Variants in DHRSX observed in about 807,000 individuals in gnomAD.
DHRSX encodes the protein polyprenol dehydrogenase.
A neutral mutation model predicts 34.0 loss-of-function variants in DHRSX; 31 were observed. The observed-to-expected ratio is 0.91, with a 90% CI of 0.69 to 1.23. DHRSX has a LOEUF of 1.23. Ranked by LOEUF, DHRSX falls within the 50% of genes most tolerant of loss-of-function variation. DHRSX has a pLI of 0.00. For missense variants in DHRSX, 414 were observed against 428.1 expected, an observed-to-expected ratio of 0.97 and a Z score of 0.29; for synonymous variants, 201 against 183.8, an observed-to-expected ratio of 1.09 and a Z score of -0.76.
In DHRSX at chrX:2,221,122, G is replaced by A. The variant is rs761361037; in HGVS notation, c.912C>T (p.His304=). The change falls in exon 7 of 7, where the codon CAC becomes CAT. Residue 304 remains histidine (H), a synonymous_variant. Transcript: ENST00000334651. ...LYNEKETKSL[H]VTYNQKLQQQ... is the part of the protein sequence containing the mutation. The stretch of plus-strand genomic sequence containing the variant: ...GCTGCAGTTTCTGGTTGTAGGTGAC[G>A]TGGAGGGACTTGGTCTCTTTCTCGT... 40 of 1,613,790 alleles carry A rather than the reference G, an allele frequency of 2.5e-5. No homozygotes were observed. In the East Asian group the frequency reaches 3.6e-4, roughly 14 times the overall value.
At chrX:2,338,773 C>T (rs1247261646) in intron 3 of DHRSX, among the ~76,000 whole-genome samples, 1 of 151,978 alleles carries the variant, frequency 6.6e-6, no homozygotes, top group Non-Finnish European at 1.5e-5. Context: ...AATCATAACC[C>T]AAATAAACCT....
chrX:2,390,190 C>T (rs1373149962), intron 3 of DHRSX, among the ~76,000 whole-genome samples: 3 of 139,986 alleles, frequency 2.1e-5, no homozygotes, highest in African/African-American at 8.3e-5. Context: ...GTTGCCCATC[C>T]TGGAGTGTAA....
At chrX:2,302,729 T>C (rs2042028417) in intron 3 of DHRSX, among the ~76,000 whole-genome samples, 1 of 152,132 alleles carries the variant, frequency 6.6e-6, no homozygotes, top group Non-Finnish European at 1.5e-5. Context: ...TGGTGAGACA[T>C]GTTCAGAAAT....
intron 6 of DHRSX, among the ~76,000 whole-genome samples, chrX:2,224,586 AT>A (rs896783775): frequency 1.3e-4 from 20 of 151,874 alleles, no homozygotes; most frequent in African/African-American, 3.6e-4. Context: ...CTATTGGATG[AT>A]TTTTTTTCTG....
chrX:2,408,105 CT>C (rs1265795339), intron 3 of DHRSX, among the ~76,000 whole-genome samples: 1 of 148,790 alleles, frequency 6.7e-6, no homozygotes, highest in Admixed American at 6.8e-5. Flanking sequence ...TTTGATTTAT[CT>C]TTTTTTCTTT....
intron 4 of DHRSX, 86 bp from the exon 5 acceptor site, chrX:2,267,033 G>C (rs1330171998): frequency 7.2e-7 from 1 of 1,387,444 alleles, no homozygotes; most frequent in Non-Finnish European, 1.0e-6. Context: ...TGCGCAAATG[G>C]CCCAGGACAT....
intron 4 of DHRSX, among the ~76,000 whole-genome samples, chrX:2,276,932 G>A (rs374667885): frequency 5.0e-5 from 1 of 20,058 alleles, no homozygotes; most frequent in East Asian, 4.0e-4. Context: ...GGGAGAGAGA[G>A]GGAGGGCAAA....
At chrX:2,473,083 C>A (rs1281760893) in intron 1 of DHRSX, among the ~76,000 whole-genome samples, 2 of 152,150 alleles carry the variant, frequency 1.3e-5, no homozygotes, top group African/African-American at 2.4e-5. Flanking sequence ...TTGTTCACAG[C>A]CGTGATTAAG....
chrX:2,451,565 C>G (rs1205220300), intron 1 of DHRSX, among the ~76,000 whole-genome samples: 1 of 151,840 alleles, frequency 6.6e-6, no homozygotes, highest in Non-Finnish European at 1.5e-5. Context: ...GTGGACGGGG[C>G]AGGGGAAGGA....
chrX:2,482,150 C>A, intron 1 of DHRSX, among the ~76,000 whole-genome samples: 1 of 141,026 alleles, frequency 7.1e-6, no homozygotes, highest in Non-Finnish European at 1.5e-5. Context: ...TTTTTAGAGA[C>A]AGCATCTCTC....
Position 2,295,426 on chromosome X carries a change from G to C in DHRSX, c.287-3823C>G, listed in dbSNP as rs768797068. 2.0e-5 allele frequency among the ~76,000 whole-genome samples: 3 copies of C among 152,240 alleles called. No homozygotes were observed. The East Asian group carries it at 5.8e-4, about 29-fold the overall frequency. ...AACATCACACACCAGGGCTTGCTGGGGGGTGGAGGGTTAGGGAAGGGATAG... is the reference window on the plus strand; with the variant it reads ...AACATCACACACCAGGGCTTGCTGGCGGGTGGAGGGTTAGGGAAGGGATAG... On this transcript the variant is annotated intron_variant, in intron 3 of 6. Transcript: ENST00000334651.
intron 3 of DHRSX, among the ~76,000 whole-genome samples, chrX:2,316,563 CAAT>C (rs1362344815): frequency 7.2e-5 from 11 of 151,856 alleles, no homozygotes; most frequent in Admixed American, 5.3e-4. Context: ...AAAACAACAA[CAAT>C]AATAACAACA....
chrX:2,320,428 G>A (rs764091367), intron 3 of DHRSX, among the ~76,000 whole-genome samples: 3 of 143,624 alleles, frequency 2.1e-5, no homozygotes, highest in East Asian at 4.2e-4. Flanking sequence ...CTGAGTAGCT[G>A]GGATTACAGA....
At chrX:2,463,033 C>T (rs1444036181) in intron 1 of DHRSX, among the ~76,000 whole-genome samples, 1 of 152,092 alleles carries the variant, frequency 6.6e-6, no homozygotes, top group African/African-American at 2.4e-5. Context: ...CTCGCCCTTT[C>T]CACCATGTGA....
chrX:2,474,026 C>T (rs939863271), intron 1 of DHRSX, among the ~76,000 whole-genome samples: 11 of 151,920 alleles, frequency 7.2e-5, no homozygotes, highest in Non-Finnish European at 1.6e-4. Context: ...AGCAGGCTGG[C>T]TGCGTCTCTC....
chrX:2,429,508 T>G (rs765102563), intron 1 of DHRSX, among the ~76,000 whole-genome samples: 1 of 151,666 alleles, frequency 6.6e-6, no homozygotes, highest in Non-Finnish European at 1.5e-5. Flanking sequence ...AGTGCAGTGG[T>G]GCAATCATGG....
Position 2,397,336 on chromosome X carries a change from G to A in DHRSX, c.286+11409C>T, listed in dbSNP as rs768713994. Among the ~76,000 whole-genome samples the A allele has an allele frequency of 4.6e-5, 7 of 152,130 alleles. No individual in the cohort carries two copies. The South Asian group carries it at 1.5e-3, about 32-fold the overall frequency. On this transcript the variant is annotated intron_variant, in intron 3 of 6. Transcript: ENST00000334651. ...TTTTGTAGAGACGGAGTCTCTCTAC[G>A]CCACCCTGACTGCTGTCGAACTCCT...
intron 1 of DHRSX, among the ~76,000 whole-genome samples, chrX:2,479,202 TCCCA>T (rs1212184377): frequency 2.3e-5 from 3 of 132,086 alleles, no homozygotes; most frequent in African/African-American, 8.8e-5. Flanking sequence ...CCCAAGGGAC[TCCCA>T]CCCTGTGCAC....
rs148541312 is a variant in DHRSX, at chrX:2,461,123, T to C, written c.110-35819A>G. 4.3e-3 allele frequency among the ~76,000 whole-genome samples: 653 copies of C among 152,318 alleles called. 4 individuals are homozygous for C. Among genetic ancestry groups the C allele is most frequent in the Non-Finnish European group, 7.5e-3 (508 of 68,028 alleles). The stretch of plus-strand genomic sequence containing the variant: ...ACCAACACCTTTTAAAACTTAAACA[T>C]AATTCCTAGCTTGTGGATCCAGTTT... On this transcript the variant is annotated intron_variant, in intron 1 of 6. Coordinates refer to ENST00000334651, the MANE Select transcript of DHRSX (RefSeq NM_145177.3).
Sources: gnomAD v4.1 joint callset for allele counts (sites outside exome capture counted in the v4.1 genomes callset) on GRCh38, gnomAD v4.1.1 for gene constraint, MANE v1.5 for transcripts, NCBI Gene and HGNC (gene_info 2026-07-23, HGNC 2026-07-21) for gene names.